The following CDC42SE2 variants were observed in gnomAD, a reference collection of about 807,000 sequenced individuals.
CDC42SE2 encodes the protein CDC42 small effector protein 2.
In CDC42SE2, 3 loss-of-function variants were observed where a neutral mutation model predicts 11.5. The observed-to-expected ratio is 0.26, with a 90% CI of 0.12 to 0.67. The LOEUF (loss-of-function observed/expected upper bound fraction) is 0.67. Ranked by LOEUF, CDC42SE2 falls within the 30% of genes least tolerant of loss-of-function variation. The probability of loss-of-function intolerance (pLI) is 0.80; values close to 1 mark genes in which losing one functional copy is unlikely to be tolerated. For synonymous variants in CDC42SE2, 33 were observed against 34.8 expected (o/e 0.95, Z 0.18); for missense variants, 82 against 106.8 (o/e 0.77, Z 1.02).
At chr5:131,336,062 C>T (rs1246111101) in intron 2 of CDC42SE2, among the ~76,000 whole-genome samples, 1 of 145,774 alleles carries the variant, frequency 6.9e-6, no homozygotes, top group Non-Finnish European at 1.5e-5. Context: ...TCTTCCTAGC[C>T]TTGATGATCT....
chr5:131,389,828 T>G (rs1561439826), intron 4 of CDC42SE2, among the ~76,000 whole-genome samples: 1 of 152,168 alleles, frequency 6.6e-6, no homozygotes, highest in Non-Finnish European at 1.5e-5. Context: ...TTGCTAGTGC[T>G]CTCTCTCCAC....
intron 1 of CDC42SE2, among the ~76,000 whole-genome samples, chr5:131,283,928 T>G (rs1757291051): frequency 1.3e-5 from 2 of 152,226 alleles, no homozygotes; most frequent in Admixed American, 6.5e-5. Context: ...ATATGAACAT[T>G]CATGTACAAG....
At chr5:131,218,241 T>C in the CDC42SE2 span, among the ~76,000 whole-genome samples, 1 of 147,348 alleles carries the variant, frequency 6.8e-6, no homozygotes, top group Non-Finnish European at 1.5e-5. Context: ...AAGACTTGAG[T>C]AGACACCTCA....
chr5:131,353,283 AT>A (rs34522192), intron 2 of CDC42SE2, among the ~76,000 whole-genome samples: 33,630 of 143,054 alleles, frequency 0.24, 3,920 homozygotes, highest in East Asian at 0.48. Flanking sequence ...TTTATTAATA[AT>A]TTTTTTTTTT....
chr5:131,318,740 G>A (rs763148902), intron 2 of CDC42SE2, among the ~76,000 whole-genome samples: 21 of 152,082 alleles, frequency 1.4e-4, no homozygotes, highest in Non-Finnish European at 2.6e-4. Flanking sequence ...TTTGGATTTT[G>A]TCTTACATTT....
At chr5:131,347,120 T>A (rs1018758588) in intron 2 of CDC42SE2, among the ~76,000 whole-genome samples, 1 of 152,078 alleles carries the variant, frequency 6.6e-6, no homozygotes, top group African/African-American at 2.4e-5. Context: ...ATTCAAAAGC[T>A]AGAAGAAGGC....
intron 3 of CDC42SE2, among the ~76,000 whole-genome samples, chr5:131,367,401 C>A (rs1431111135): frequency 1.3e-5 from 2 of 152,138 alleles, no homozygotes; most frequent in Non-Finnish European, 2.9e-5. Flanking sequence ...GGGGTGTGGG[C>A]ATGATCAGTT....
upstream of CDC42SE2, among the ~76,000 whole-genome samples, chr5:131,259,597 A>T (rs1360069054): frequency 6.6e-6 from 1 of 152,236 alleles, no homozygotes. Context: ...TTTACACAGA[A>T]CTGGTGGTTT....
chr5:131,229,185 A>G, the CDC42SE2 span, among the ~76,000 whole-genome samples: 46 of 150,476 alleles, frequency 3.1e-4, no homozygotes, highest in East Asian at 7.4e-3. Flanking sequence ...GTGTGTGTGT[A>G]TGTGTGTTTT....
intron 3 of CDC42SE2, among the ~76,000 whole-genome samples, chr5:131,372,266 T>G (rs1327501558): frequency 6.6e-6 from 1 of 152,198 alleles, no homozygotes; most frequent in Non-Finnish European, 1.5e-5. Flanking sequence ...TGGCCTACCT[T>G]ATGACAGATA....
In CDC42SE2 at chr5:131,393,226, T is replaced by C. The variant is rs1339802434; in HGVS notation, c.*2135T>C. 6.6e-6 allele frequency: 1 copy of C among 152,402 alleles called. No individual in the cohort carries two copies. Among genetic ancestry groups the C allele is most frequent in the Non-Finnish European group, 1.5e-5 (1 of 68,052 alleles). 9.4% of individuals were successfully genotyped at this position (152,402 alleles called of 1,614,324 possible). A position where few individuals can be genotyped will look rare whatever the true frequency, so the allele number is the denominator to read the frequency against. On this transcript the variant is annotated 3_prime_UTR_variant, in exon 5 of 5. Transcript: ENST00000505065. ...AAGGAACAGGGATCACTTTATCTTC[T>C]GCCTTCATTTACCTTAGTCCAAGAT...
At chr5:131,324,205 C>T (rs1020852305) in intron 2 of CDC42SE2, among the ~76,000 whole-genome samples, 24 of 152,108 alleles carry the variant, frequency 1.6e-4, no homozygotes, top group Non-Finnish European at 2.9e-4. Flanking sequence ...CCAGCTGTAG[C>T]CTGTGACTAC....
chr5:131,364,666 A>G (rs1272288698), intron 3 of CDC42SE2, among the ~76,000 whole-genome samples: 1 of 152,006 alleles, frequency 6.6e-6, no homozygotes, highest in Non-Finnish European at 1.5e-5. Context: ...GAGCCACTTC[A>G]CTCCTTCATG....
chr5:131,386,868 C>T (rs925443995), intron 4 of CDC42SE2, among the ~76,000 whole-genome samples: 4 of 147,154 alleles, frequency 2.7e-5, no homozygotes, highest in Non-Finnish European at 5.9e-5. Flanking sequence ...TAACAAAAGA[C>T]TTAACAGGGA....
chr5:131,346,998 G>A (rs921569430), intron 2 of CDC42SE2, among the ~76,000 whole-genome samples: 4 of 152,190 alleles, frequency 2.6e-5, no homozygotes, highest in African/African-American at 9.7e-5. Context: ...ATTTAAAGCA[G>A]TGTGTAGAGG....
At chr5:131,213,901 C>T in the CDC42SE2 span, among the ~76,000 whole-genome samples, 1,393 of 152,092 alleles carry the variant, frequency 9.2e-3, 19 homozygotes, top group African/African-American at 0.032. Flanking sequence ...ATAATCTTTT[C>T]CCCAATTTCG....
chr5:131,375,476 T>C (rs545327935), intron 3 of CDC42SE2, among the ~76,000 whole-genome samples: 1 of 152,356 alleles, frequency 6.6e-6, no homozygotes, highest in East Asian at 1.9e-4. Context: ...TCTCTGCTTA[T>C]AATACTAGCT....
intron 1 of CDC42SE2, among the ~76,000 whole-genome samples, chr5:131,268,893 G>T (rs1756934140): frequency 1.3e-5 from 2 of 150,780 alleles, no homozygotes; most frequent in Admixed American, 1.3e-4. Context: ...AGGGACTACA[G>T]GCGTGTGCCA....
intron 1 of CDC42SE2, among the ~76,000 whole-genome samples, chr5:131,289,571 G>A (rs1757409213): frequency 6.6e-6 from 1 of 152,076 alleles, no homozygotes; most frequent in African/African-American, 2.4e-5. Context: ...TACTCTGGAG[G>A]CTGAGGCAGG....
Sources: gnomAD v4.1 joint callset for allele counts (sites outside exome capture counted in the v4.1 genomes callset) on GRCh38, gnomAD v4.1.1 for gene constraint, MANE v1.5 for transcripts, NCBI Gene and HGNC (gene_info 2026-07-23, HGNC 2026-07-21) for gene names.